Variants in AQR observed in about 807,000 individuals in gnomAD.
AQR encodes the protein RNA helicase aquarius.
Under a neutral mutation model 180.5 loss-of-function variants are expected in AQR, and 61 were observed. The observed-to-expected ratio is 0.34, with a 90% CI of 0.28 to 0.42. AQR has a LOEUF of 0.42. AQR is among the 10% of genes least tolerant of loss of function. AQR has a pLI of 1.00. For synonymous variants in AQR, 551 were observed against 588.8 expected, an observed-to-expected ratio of 0.94 and a Z score of 0.93; for missense variants, 1,281 against 1,798.3, an observed-to-expected ratio of 0.71 and a Z score of 5.20.
Position 34,950,688 on chromosome 15 carries a change from G to A in AQR, c.209+2197C>T, listed in dbSNP as rs189847332. On this transcript the variant is annotated intron_variant, in intron 4 of 34. Transcript: ENST00000156471. ...AATTATCTGAAGTTCTTGGTGGTGG[G>A]GGCAGGGGGGAAATATTTGTTCTCT... is the stretch of plus-strand genomic sequence containing the variant. 8.6e-5 allele frequency among the ~76,000 whole-genome samples: 13 copies of A among 151,700 alleles called. No homozygotes were observed. In the South Asian group the frequency reaches 2.5e-3, roughly 29 times the overall value.
chr15:34,910,376 A>C, intron 16 of AQR, 63 bp from the exon 17 acceptor site: 1 of 1,541,110 alleles, frequency 6.5e-7, no homozygotes, highest in Non-Finnish European at 8.9e-7. Context: ...CTTTTAGACA[A>C]GTTAAAACTA....
intron 33 of AQR, among the ~76,000 whole-genome samples, chr15:34,860,379 C>T (rs1043547262): frequency 1.3e-5 from 2 of 151,192 alleles, no homozygotes; most frequent in Admixed American, 6.6e-5. Flanking sequence ...CAGGTCAGCA[C>T]GCTCTGCCTG....
At chr15:34,880,057 C>CA (rs1182528231) in intron 27 of AQR, among the ~76,000 whole-genome samples, 5 of 152,166 alleles carry the variant, frequency 3.3e-5, no homozygotes, top group African/African-American at 1.2e-4. Context: ...CCTGACAGAA[C>CA]AAAAATGTAA....
At chr15:34,904,589 T>A in intron 18 of AQR, 84 bp from the exon 19 acceptor site, 1 of 1,337,524 alleles carries the variant, frequency 7.5e-7, no homozygotes, top group Non-Finnish European at 1.0e-6. Flanking sequence ...TTTCTAGAAA[T>A]GGTGAGTAAA....
intron 25 of AQR, 143 bp from the exon 26 acceptor site, chr15:34,884,877 T>A (rs1312771364): frequency 3.1e-6 from 2 of 652,346 alleles, no homozygotes; most frequent in East Asian, 6.4e-5. Flanking sequence ...ATAACTATTC[T>A]TCATTCCTGT....
At position 34,930,284 on chromosome 15, in the gene AQR, G is replaced by C. The variant is rs1367487064; in HGVS notation, c.988C>G (p.His330Asp). 6.2e-7 allele frequency: 1 copy of C among 1,602,418 alleles called. No individual in the cohort carries two copies. Among genetic ancestry groups the C allele is most frequent in the South Asian group, 1.1e-5 (1 of 90,808 alleles). ...ALTENEMTTI[H>D]YDRITSLQRA... ...TGTAGAGAAGTAATTCTATCATAGT[G>C]AATTGTGGTCATCTCATTCTCTGTC... The change falls in exon 12 of 35, where the codon CAC becomes GAC. Residue 330 changes from histidine to aspartate, a missense_variant. Physicochemically the swap from His to Asp is moderately conservative, Grantham distance 81. Around this residue, in one of 9 missense-constraint regions of AQR, gnomAD observed 404 missense variants for 490.9 expected, o/e 0.82. Coordinates refer to ENST00000156471, the MANE Select transcript of AQR (RefSeq NM_014691.3).
chr15:34,899,102 G>A (rs932519533), intron 20 of AQR, among the ~76,000 whole-genome samples: 3 of 151,146 alleles, frequency 2.0e-5, no homozygotes, highest in East Asian at 2.0e-4. Context: ...CCCGGGAGTC[G>A]GAGCTTGCAG....
intron 17 of AQR, among the ~76,000 whole-genome samples, chr15:34,908,002 G>A (rs1259569847): frequency 6.6e-6 from 1 of 152,086 alleles, no homozygotes; most frequent in Non-Finnish European, 1.5e-5. Context: ...TGTGCTTTCT[G>A]GAGCAAATCT....
At chr15:34,953,735 G>C (rs1200804827) in intron 3 of AQR, among the ~76,000 whole-genome samples, 1 of 152,122 alleles carries the variant, frequency 6.6e-6, no homozygotes, top group Non-Finnish European at 1.5e-5. Context: ...TGAATTAACT[G>C]TATGTTAGAC....
chr15:34,911,137 C>A (rs1176845957), intron 16 of AQR, among the ~76,000 whole-genome samples: 1 of 152,170 alleles, frequency 6.6e-6, no homozygotes, highest in African/African-American at 2.4e-5. Flanking sequence ...AATCATATCC[C>A]ATTGTGTGTT....
chr15:34,917,460 C>G (rs1158614830), intron 15 of AQR, among the ~76,000 whole-genome samples: 4 of 151,974 alleles, frequency 2.6e-5, no homozygotes, highest in Admixed American at 2.0e-4. Flanking sequence ...TGTTTAGATC[C>G]AAATCTGGGG....
chr15:34,969,478 C>T (rs1396739662), intron 1 of AQR, 61 bp downstream of exon 1: 3 of 1,587,190 alleles, frequency 1.9e-6, no homozygotes, highest in African/African-American at 1.3e-5. Flanking sequence ...AACCCCACCA[C>T]CAGGCCTCGG....
intron 30 of AQR, 129 bp downstream of exon 30, chr15:34,873,699 A>G: frequency 4.4e-6 from 3 of 674,966 alleles, no homozygotes; most frequent in Non-Finnish European, 7.0e-6. Context: ...TCGATTTTTC[A>G]TATGCTATGT....
chr15:34,903,724 T>A (rs923633441), intron 19 of AQR, among the ~76,000 whole-genome samples: 6 of 152,142 alleles, frequency 3.9e-5, no homozygotes, highest in Admixed American at 6.5e-5. Flanking sequence ...CTGCAAAAGC[T>A]ACATGTATCA....
At chr15:34,958,787 A>AGTTTTAGTTT (rs1894368371) in intron 3 of AQR, among the ~76,000 whole-genome samples, 6 of 152,278 alleles carry the variant, frequency 3.9e-5, no homozygotes, top group African/African-American at 1.4e-4. Flanking sequence ...CCACCCACTC[A>AGTTTTAGTTT]TCTTTAGTTT....
At chr15:34,909,490 C>G (rs2140480459) in intron 17 of AQR, among the ~76,000 whole-genome samples, 1 of 152,296 alleles carries the variant, frequency 6.6e-6, no homozygotes, top group Non-Finnish European at 1.5e-5. Context: ...CCTTTAATTT[C>G]TTTGCAATTA....
intron 19 of AQR, among the ~76,000 whole-genome samples, chr15:34,901,890 A>G (rs112471553): frequency 1.1e-4 from 16 of 152,254 alleles, no homozygotes; most frequent in African/African-American, 3.6e-4. Context: ...AAATGAGTAT[A>G]TTCACCTAAC....
intron 12 of AQR, among the ~76,000 whole-genome samples, chr15:34,928,778 T>C (rs949027422): frequency 6.6e-6 from 1 of 152,298 alleles, no homozygotes; most frequent in Middle Eastern, 3.4e-3. Flanking sequence ...TCTTCCACAA[T>C]GGTTGAACTA....
chr15:34,918,449 G>A, intron 14 of AQR, 71 bp from the exon 15 acceptor site: 6 of 1,538,210 alleles, frequency 3.9e-6, no homozygotes, highest in Non-Finnish European at 4.4e-6. Context: ...ATTTATGGAA[G>A]AAGTTTCATG....
Sources: allele counts gnomAD v4.1 joint callset (sites outside exome capture counted in the v4.1 genomes callset), GRCh38; gene constraint gnomAD v4.1.1; regional missense constraint gnomAD v4.1.1; transcripts MANE v1.5; gene names NCBI Gene and HGNC (gene_info 2026-07-23, HGNC 2026-07-21).